PCDHA7: variants seen among roughly 807,000 people sequenced by gnomAD.
PCDHA7 encodes the protein protocadherin alpha-7.
Under a neutral mutation model 57.2 loss-of-function variants are expected in PCDHA7, and 37 were observed. The observed-to-expected ratio is 0.65, with a 90% CI of 0.50 to 0.85. The LOEUF (loss-of-function observed/expected upper bound fraction) is 0.85, where lower values mean the gene tolerates loss of function less well. Ranked by LOEUF, PCDHA7 falls within the 40% of genes least tolerant of loss-of-function variation. The pLI is 0.00. For missense variants in PCDHA7, 1,188 were observed against 1,241.8 expected (o/e 0.96, Z 0.65); for synonymous variants, 553 against 558.8 (o/e 0.99, Z 0.15).
chr5:140,875,242 TA>T, intron 1 of PCDHA7: 2 of 943,026 alleles, frequency 2.1e-6, no homozygotes, highest in Non-Finnish European at 3.0e-6. Flanking sequence ...TGTACTTACA[TA>T]ATCAGTCACA....
chr5:140,990,136 A>C (rs996616541), intron 3 of PCDHA7, among the ~76,000 whole-genome samples: 1 of 152,198 alleles, frequency 6.6e-6, no homozygotes, highest in African/African-American at 2.4e-5. Context: ...GTCAGACTCA[A>C]GAGGCATAAT....
chr5:140,937,921 A>G (rs1304092674), intron 1 of PCDHA7, among the ~76,000 whole-genome samples: 2 of 152,184 alleles, frequency 1.3e-5, no homozygotes, highest in Non-Finnish European at 2.9e-5. Flanking sequence ...CAAAAAAAAA[A>G]AAAAAAGTTT....
At chr5:140,876,970 G>A in intron 1 of PCDHA7, 4 of 1,612,850 alleles carry the variant, frequency 2.5e-6, no homozygotes, top group Non-Finnish European at 3.4e-6. Flanking sequence ...GCGGCGGGTG[G>A]GCGAGCACGC....
intron 1 of PCDHA7, chr5:140,875,560 C>G: frequency 6.2e-7 from 1 of 1,614,124 alleles, no homozygotes; most frequent in Non-Finnish European, 8.5e-7. Context: ...GGGGAGCGGC[C>G]AGCTCCACTA....
At chr5:140,842,871 T>G in intron 1 of PCDHA7, 1 of 1,593,666 alleles carries the variant, frequency 6.3e-7, no homozygotes, top group Non-Finnish European at 8.6e-7. Context: ...AGCGGCAAGG[T>G]GTACGCGCTG....
chr5:140,980,465 A>G (rs1170047538), intron 2 of PCDHA7, among the ~76,000 whole-genome samples: 4 of 152,184 alleles, frequency 2.6e-5, no homozygotes, highest in African/African-American at 9.7e-5. Flanking sequence ...CCCTGTCTCT[A>G]CTAAAAATAC....
chr5:140,921,440 G>C (rs1026829665), intron 1 of PCDHA7, among the ~76,000 whole-genome samples: 1 of 152,056 alleles, frequency 6.6e-6, no homozygotes, highest in South Asian at 2.1e-4. Flanking sequence ...CTTCAATGGT[G>C]TCTGAAAAGG....
At chr5:140,877,030 C>G (rs1554169262) in intron 1 of PCDHA7, 5 of 1,612,300 alleles carry the variant, frequency 3.1e-6, no homozygotes, top group Non-Finnish European at 3.4e-6. Context: ...GGTGTACGCG[C>G]TGCAGCCGCT....
At chr5:140,897,227 CA>C (rs1408350956) in intron 1 of PCDHA7, among the ~76,000 whole-genome samples, 2 of 152,036 alleles carry the variant, frequency 1.3e-5, no homozygotes, top group African/African-American at 2.4e-5. Context: ...TACATGTGCA[CA>C]ATGTGCAGGT....
intron 1 of PCDHA7, chr5:140,854,159 C>A (rs1172794260): frequency 2.5e-3 from 847 of 341,142 alleles, no homozygotes; most frequent in Admixed American, 7.6e-3. Context: ...GATTCTGTCT[C>A]AAAAAAAAAA....
At chr5:140,915,059 C>T (rs1554196724) in intron 1 of PCDHA7, among the ~76,000 whole-genome samples, 1 of 151,706 alleles carries the variant, frequency 6.6e-6, no homozygotes, top group Non-Finnish European at 1.5e-5. Flanking sequence ...GATTCTCCTG[C>T]CTTAGCCTAC....
intron 1 of PCDHA7, among the ~76,000 whole-genome samples, chr5:140,875,100 G>C (rs558585314): frequency 6.6e-6 from 1 of 152,124 alleles, no homozygotes; most frequent in Non-Finnish European, 1.5e-5. Context: ...TTGATGTTTT[G>C]TTACTAATAT....
At chr5:140,842,722 C>T (rs1554139310) in intron 1 of PCDHA7, 2 of 1,595,034 alleles carry the variant, frequency 1.3e-6, no homozygotes, top group Non-Finnish European at 1.7e-6. Flanking sequence ...TGAAGGAGAA[C>T]AACCCGCCGG....
intron 3 of PCDHA7, among the ~76,000 whole-genome samples, chr5:140,998,364 C>T (rs2097808386): frequency 6.6e-6 from 1 of 152,192 alleles, no homozygotes; most frequent in South Asian, 2.1e-4. Flanking sequence ...AACCACTGCA[C>T]ACACCGTCTC....
chr5:140,843,056 A>G (rs2150351365), intron 1 of PCDHA7: 779,075 of 1,594,132 alleles, frequency 0.49, 229,035 homozygotes, highest in African/African-American at 0.71. Context: ...CGCAGCGAGC[A>G]AGCTGGTGCC....
At chr5:140,863,248 G>T (rs782700291) in intron 1 of PCDHA7, 54 of 1,395,948 alleles carry the variant, frequency 3.9e-5, no homozygotes, top group Middle Eastern at 1.9e-4. Flanking sequence ...TTTGGCGGGC[G>T]TCGAGGTCCG....
At position 141,007,395 on chromosome 5, in the gene PCDHA7, CAAAA is replaced by C. The variant is rs35800918; in HGVS notation, c.2504-2212_2504-2209del. Among the ~76,000 whole-genome samples the C allele has an allele frequency of 1.2e-3, 116 of 94,838 alleles. No homozygotes were observed. In the Middle Eastern group the frequency reaches 0.016, roughly 13 times the overall value. 62.2% of individuals were successfully genotyped at this position (94,838 alleles called of 152,430 possible). ...ATGGAACACCATCTCTACTAAAATA[CAAAA>C]AAAAAAAAAAAAAAAAAAATTAGCC... is the stretch of plus-strand genomic sequence containing the variant. On this transcript the variant is annotated intron_variant, in intron 3 of 3. Coordinates refer to ENST00000525929, the MANE Select transcript of PCDHA7 (RefSeq NM_018910.3).
chr5:140,863,128 C>A, intron 1 of PCDHA7: 1 of 598,142 alleles, frequency 1.7e-6, no homozygotes, highest in South Asian at 1.4e-5. Flanking sequence ...TACGCGCCAC[C>A]GCCTGCTGGT....
chr5:140,857,478 C>G (rs782202072), intron 1 of PCDHA7: 1 of 1,598,590 alleles, frequency 6.3e-7, no homozygotes, highest in Non-Finnish European at 8.6e-7. Context: ...TTCACGGTGT[C>G]TGCGTGGGAC....
Sources: gnomAD v4.1 joint callset for allele counts (sites outside exome capture counted in the v4.1 genomes callset) on GRCh38, gnomAD v4.1.1 for gene constraint, MANE v1.5 for transcripts, NCBI Gene and HGNC (gene_info 2026-07-23, HGNC 2026-07-21) for gene names.